Variants in MAP3K13 observed in about 807,000 individuals in gnomAD.
MAP3K13 encodes the protein mitogen-activated protein kinase kinase kinase 13.
MAP3K13 carries 52 observed loss-of-function variants against 104.0 expected under a neutral mutation model. The observed-to-expected ratio is 0.50, with a 90% CI of 0.40 to 0.63. The LOEUF (loss-of-function observed/expected upper bound fraction) is 0.63. Ranked by LOEUF, MAP3K13 falls within the 20% of genes least tolerant of loss-of-function variation. The pLI is 0.00. For missense variants in MAP3K13, 914 were observed against 1,218.5 expected, an observed-to-expected ratio of 0.75 and a Z score of 3.72; for synonymous variants, 394 against 442.2, an observed-to-expected ratio of 0.89 and a Z score of 1.37.
At chr3:185,426,519 G>A (rs1412835946) in intron 1 of MAP3K13, among the ~76,000 whole-genome samples, 4 of 152,134 alleles carry the variant, frequency 2.6e-5, no homozygotes, top group Non-Finnish European at 5.9e-5. Context: ...TCCATAATCC[G>A]CAATATAAGA....
At position 185,473,758 on chromosome 3, in the gene MAP3K13, G is replaced by C; in HGVS notation, c.2427G>C (p.Gln809His). The change falls in exon 11 of 14, where the codon CAG (glutamine) becomes CAC (histidine). Residue 809 changes from glutamine (Q) to histidine (H), a missense_variant. Coordinates refer to ENST00000265026, the MANE Select transcript of MAP3K13 (RefSeq NM_004721.5). This position sits in a 1 kb window ranked among gnomAD's most constrained non-coding sequence, Gnocchi z 4.9. ...TACCTCGAAAAACAAGGCCTCTGCA[G>C]AAGGTAAAGTGTAATGATGAGAGTG... ...PALPRKTRPL[Q>H]KSGDDSSEEE... 6.2e-7 allele frequency: 1 copy of C among 1,612,082 alleles called. No individual in the cohort carries two copies. Among genetic ancestry groups the C allele is most frequent in the Non-Finnish European group, 8.5e-7 (1 of 1,179,342 alleles).
intron 10 of MAP3K13, among the ~76,000 whole-genome samples, chr3:185,467,920 T>A (rs913896476): frequency 1.3e-5 from 2 of 151,914 alleles, no homozygotes; most frequent in African/African-American, 4.8e-5. Flanking sequence ...AGGAAACTTA[T>A]AATCATGGTG....
intron 11 of MAP3K13, among the ~76,000 whole-genome samples, chr3:185,474,312 C>T (rs527933388): frequency 4.6e-5 from 7 of 152,104 alleles, no homozygotes; most frequent in African/African-American, 9.6e-5. Flanking sequence ...GGTGGCAGAG[C>T]GAGACTCTGT....
chr3:185,459,510 T>C (rs1716970338), intron 7 of MAP3K13, among the ~76,000 whole-genome samples: 1 of 152,106 alleles, frequency 6.6e-6, no homozygotes, highest in Non-Finnish European at 1.5e-5. Context: ...TGCAGTGGTG[T>C]GATCTCAGCC....
At chr3:185,438,018 C>T (rs996292617) in intron 3 of MAP3K13, among the ~76,000 whole-genome samples, 1 of 152,116 alleles carries the variant, frequency 6.6e-6, no homozygotes, top group South Asian at 2.1e-4. Flanking sequence ...GTTGGCCGGG[C>T]GCAGTGGCTC....
chr3:185,364,788 G>A (rs56164591), intron 1 of MAP3K13, among the ~76,000 whole-genome samples: 12,786 of 152,054 alleles, frequency 0.084, 706 homozygotes, highest in East Asian at 0.21. Flanking sequence ...TCCTATACTC[G>A]GACAATTATG....
At chr3:185,475,289 C>T (rs1718055643) in intron 11 of MAP3K13, among the ~76,000 whole-genome samples, 1 of 152,074 alleles carries the variant, frequency 6.6e-6, no homozygotes, top group Admixed American at 6.6e-5. Flanking sequence ...GCTCTTCTTG[C>T]TATGAGTCAA....
intron 1 of MAP3K13, among the ~76,000 whole-genome samples, chr3:185,393,224 T>C (rs1712174794): frequency 6.6e-6 from 1 of 152,052 alleles, no homozygotes; most frequent in South Asian, 2.1e-4. Context: ...GAGTCAAAGA[T>C]TTTATTTAAC....
chr3:185,483,550 C>T lies in MAP3K13; in HGVS notation c.*1094C>T, dbSNP rs13091808. ...GTTCAGCTACGAGGAGAAGATGGAA[C>T]CACCCCTCTCTGGAGCCAGGTTGCT... On this transcript the variant is annotated 3_prime_UTR_variant, in exon 14 of 14. Coordinates refer to ENST00000265026, the MANE Select transcript of MAP3K13 (RefSeq NM_004721.5). 0.14 allele frequency: 30,824 copies of T among 225,102 alleles called. 2,813 individuals are homozygous for T. The highest frequency in any genetic ancestry group is 0.4 in the East Asian group (6,149 of 15,528). 13.9% of individuals were successfully genotyped at this position (225,102 alleles called of 1,614,324 possible). A position where few individuals can be genotyped will look rare whatever the true frequency, so the allele number is the denominator to read the frequency against.
At chr3:185,359,224 A>G (rs888669022), upstream of MAP3K13, among the ~76,000 whole-genome samples, 1 of 152,188 alleles carries the variant, frequency 6.6e-6, no homozygotes, top group African/African-American at 2.4e-5. Flanking sequence ...AGGAAGATGC[A>G]AAAGTGGAAA....
Position 185,413,377 on chromosome 3 carries a change from A to T in MAP3K13, c.-85-15120A>T, listed in dbSNP as rs190216272. Among the ~76,000 whole-genome samples the T allele has an allele frequency of 2.5e-3, 383 of 152,360 alleles. 4 individuals carry two copies. The highest frequency in any genetic ancestry group is 3.7e-3 in the East Asian group (19 of 5,190). On this transcript the variant is annotated intron_variant, in intron 1 of 13. Coordinates refer to ENST00000265026, the MANE Select transcript of MAP3K13 (RefSeq NM_004721.5). Reference sequence around the variant, plus strand: ...TTTTTCCCAGTCCTATATGGTTGCCACTAGCCACATGTGGCTAGTGAATAC... The same window carrying T: ...TTTTTCCCAGTCCTATATGGTTGCCTCTAGCCACATGTGGCTAGTGAATAC...
intron 11 of MAP3K13, among the ~76,000 whole-genome samples, chr3:185,475,445 C>T (rs946164804): frequency 2.6e-5 from 4 of 152,146 alleles, no homozygotes; most frequent in African/African-American, 9.7e-5. Context: ...GTTTGGTCAA[C>T]TAGGCATTGA....
intron 7 of MAP3K13, among the ~76,000 whole-genome samples, chr3:185,462,394 T>C (rs186208323): frequency 6.3e-4 from 96 of 152,372 alleles, no homozygotes; most frequent in Admixed American, 2.6e-3. Context: ...CCTAAAATTC[T>C]TGGTCCCCAC....
intron 1 of MAP3K13, among the ~76,000 whole-genome samples, chr3:185,365,271 T>A (rs753771465): frequency 4.6e-5 from 7 of 152,192 alleles, no homozygotes; most frequent in Non-Finnish European, 8.8e-5. Flanking sequence ...TTGTTTAATA[T>A]CAAACAATAA....
At chr3:185,455,693 A>ATG (rs1716621627) in intron 7 of MAP3K13, among the ~76,000 whole-genome samples, 1 of 23,364 alleles carries the variant, frequency 4.3e-5, no homozygotes, top group African/African-American at 9.0e-5. Flanking sequence ...TATATATATG[A>ATG]TATATATATG....
intron 1 of MAP3K13, among the ~76,000 whole-genome samples, chr3:185,377,912 G>A (rs1216338196): frequency 1.3e-5 from 2 of 152,300 alleles, no homozygotes; most frequent in South Asian, 2.1e-4. Context: ...GTGGGGTCCC[G>A]CACAGATGGG....
upstream of MAP3K13, among the ~76,000 whole-genome samples, chr3:185,359,575 G>C (rs888626245): frequency 6.6e-6 from 1 of 152,114 alleles, no homozygotes; most frequent in Non-Finnish European, 1.5e-5. Flanking sequence ...AGTAACTTCT[G>C]TATGTAGGTA....
intron 1 of MAP3K13, among the ~76,000 whole-genome samples, chr3:185,414,361 A>G (rs1713623074): frequency 1.3e-5 from 2 of 152,230 alleles, no homozygotes; most frequent in South Asian, 4.1e-4. Flanking sequence ...GTTCTGCACT[A>G]GGTGCTGAGG....
At chr3:185,301,368 G>C (rs1342924177) in intron 2 of MAP3K13, among the ~76,000 whole-genome samples, 3 of 151,360 alleles carry the variant, frequency 2.0e-5, no homozygotes, top group Non-Finnish European at 4.4e-5. Context: ...AATATATTCT[G>C]GATTTTTGTC....
Sources: gnomAD v4.1 joint callset for allele counts (sites outside exome capture counted in the v4.1 genomes callset) on GRCh38, gnomAD v4.1.1 for gene constraint, Gnocchi (gnomAD v3.1) non-coding constraint, MANE v1.5 for transcripts, NCBI Gene and HGNC (gene_info 2026-07-23, HGNC 2026-07-21) for gene names.